The following BCL2L14 variants were observed in gnomAD, a reference collection of about 807,000 sequenced individuals.
BCL2L14 encodes the protein BCL2 like 14.
Under a neutral mutation model 35.3 loss-of-function variants are expected in BCL2L14, and 27 were observed. The observed-to-expected ratio is 0.76, with a 90% CI of 0.56 to 1.05. BCL2L14 has a LOEUF of 1.05. Ranked by LOEUF, BCL2L14 falls within the 50% of genes least tolerant of loss-of-function variation. The pLI, the probability that BCL2L14 is intolerant of heterozygous loss-of-function variation, is 0.00. For missense variants in BCL2L14, 377 were observed against 382.6 expected (o/e 0.99, Z 0.12); for synonymous variants, 139 against 145.9 (o/e 0.95, Z 0.34).
chr12:12,076,078 G>A (rs2136740410), intron 1 of BCL2L14, among the ~76,000 whole-genome samples: 1 of 149,554 alleles, frequency 6.7e-6, no homozygotes, highest in Non-Finnish European at 1.5e-5. Context: ...GAATGGACAG[G>A]GCTGTGCTGC....
intron 4 of BCL2L14, among the ~76,000 whole-genome samples, chr12:12,093,234 G>T (rs1267055628): frequency 6.6e-6 from 1 of 152,176 alleles, no homozygotes; most frequent in Non-Finnish European, 1.5e-5. Context: ...AACATTGCAT[G>T]CAAGGGAGTC....
chr12:12,089,891 G>A (rs1949140838), intron 3 of BCL2L14, among the ~76,000 whole-genome samples: 1 of 152,250 alleles, frequency 6.6e-6, no homozygotes, highest in Middle Eastern at 3.4e-3. Context: ...AGATATCTTT[G>A]TAAAAAGAAA....
intron 4 of BCL2L14, among the ~76,000 whole-genome samples, chr12:12,093,897 G>A (rs574166867): frequency 9.9e-5 from 15 of 151,642 alleles, no homozygotes; most frequent in Admixed American, 3.9e-4. Flanking sequence ...TGGGTGGATC[G>A]CTTAAGCCCA....
At chr12:12,061,029 G>A (rs144029589) in intron 2 of BCL2L14, among the ~76,000 whole-genome samples, 22 of 97,084 alleles carry the variant, frequency 2.3e-4, no homozygotes, top group African/African-American at 6.6e-4. Flanking sequence ...AACTGTTGTG[G>A]GTATTGATGG....
intron 3 of BCL2L14, 132 bp from the exon 4 acceptor site, chr12:12,090,647 A>T (rs958657517): frequency 2.9e-4 from 54 of 184,446 alleles, no homozygotes; most frequent in Middle Eastern, 1.5e-3. Context: ...AATAAAAAAT[A>T]AAAAAAAAAA....
chr12:12,081,199 A>G (rs1367030417), intron 2 of BCL2L14, among the ~76,000 whole-genome samples: 5 of 152,138 alleles, frequency 3.3e-5, no homozygotes, highest in Non-Finnish European at 2.9e-5. Context: ...CGATACTCTC[A>G]GCACTGTGGG....
At chr12:12,061,418 C>T (rs1948524326) in intron 2 of BCL2L14, among the ~76,000 whole-genome samples, 1 of 152,084 alleles carries the variant, frequency 6.6e-6, no homozygotes, top group Admixed American at 6.6e-5. Context: ...AGCCTGTTGT[C>T]ACTCGCCTGC....
chr12:12,097,944 C>T (rs994365512), intron 5 of BCL2L14, among the ~76,000 whole-genome samples: 1 of 152,038 alleles, frequency 6.6e-6, no homozygotes, highest in Non-Finnish European at 1.5e-5. Flanking sequence ...TATCATAAAC[C>T]TTAATCTTAA....
intron 2 of BCL2L14, among the ~76,000 whole-genome samples, chr12:12,080,908 G>T (rs1452842418): frequency 1.3e-5 from 2 of 152,156 alleles, no homozygotes; most frequent in Non-Finnish European, 2.9e-5. Flanking sequence ...TTTTCACCAG[G>T]CACTGAGGCT....
At chr12:12,092,625 G>A (rs531309756) in intron 4 of BCL2L14, among the ~76,000 whole-genome samples, 7 of 152,328 alleles carry the variant, frequency 4.6e-5, no homozygotes, top group African/African-American at 7.2e-5. Flanking sequence ...TCTTTGTGGC[G>A]TTTGATTCTT....
In BCL2L14 at chr12:12,087,124, TG is replaced by T. The variant is rs1239208323; in HGVS notation, c.434-87del. On this transcript the variant is annotated intron_variant, in intron 2 of 5. Coordinates refer to ENST00000308721, the MANE Select transcript of BCL2L14 (RefSeq NM_138723.2). ...CAGGCAGTTTCCTTCTATTCTGGCC[TG>T]GTCTTTTCATTCCAGGCAACTTTGC... 1.1e-5 allele frequency: 15 copies of T among 1,399,572 alleles called. No individual in the cohort carries two copies. In the East Asian group the frequency reaches 3.4e-4, roughly 32 times the overall value. 86.7% of individuals were successfully genotyped at this position (1,399,572 alleles called of 1,614,324 possible). A position where few individuals can be genotyped will look rare whatever the true frequency, so the allele number is the denominator to read the frequency against.
intron 1 of BCL2L14, among the ~76,000 whole-genome samples, chr12:12,077,275 C>T (rs1183131361): frequency 6.6e-6 from 1 of 152,172 alleles, no homozygotes; most frequent in Non-Finnish European, 1.5e-5. Context: ...GGCATGGTAG[C>T]TCATGGCTGT....
intron 2 of BCL2L14, among the ~76,000 whole-genome samples, chr12:12,059,740 A>G (rs1948493393): frequency 1.3e-5 from 2 of 151,532 alleles, no homozygotes; most frequent in South Asian, 4.2e-4. Context: ...AACCTCTTCA[A>G]CTCTCACCTG....
intron 2 of BCL2L14, among the ~76,000 whole-genome samples, chr12:12,083,876 AGGC>A (rs1434030478): frequency 1.3e-5 from 2 of 152,132 alleles, no homozygotes; most frequent in Non-Finnish European, 2.9e-5. Context: ...TGAGCCTGGG[AGGC>A]GCAGGTTGCA....
chr12:12,092,990 A>G (rs1157688048), intron 4 of BCL2L14, among the ~76,000 whole-genome samples: 11 of 152,236 alleles, frequency 7.2e-5, no homozygotes, highest in African/African-American at 2.4e-5. Flanking sequence ...TCACATGACA[A>G]CCAGCATATT....
At chr12:12,050,141 G>A (rs1565430504) in intron 1 of BCL2L14, among the ~76,000 whole-genome samples, 1 of 152,176 alleles carries the variant, frequency 6.6e-6, no homozygotes, top group African/African-American at 2.4e-5. Context: ...CCAGGTGGCA[G>A]AAACACTCAG....
At position 12,090,827 on chromosome 12, in the gene BCL2L14, CAGG is replaced by C. The variant is rs756437028; in HGVS notation, c.659_661del (p.Gly220del). On this transcript the variant is annotated inframe_deletion, in exon 4 of 6. Transcript: ENST00000308721. ...AAAATTGTTGAGCTGCTGAAATATT[CAGG>C]AGATCAGTTGGAAAGAAAGGTATGG... The C allele has an allele frequency of 5.0e-6, 8 of 1,613,160 alleles. No homozygotes were observed. The highest frequency in any genetic ancestry group is 6.8e-6 in the Non-Finnish European group (8 of 1,179,542).
At chr12:12,085,961 G>C (rs1949033863) in intron 2 of BCL2L14, among the ~76,000 whole-genome samples, 1 of 152,072 alleles carries the variant, frequency 6.6e-6, no homozygotes, top group South Asian at 2.1e-4. Context: ...AATGTTACAT[G>C]GTAAAACCCA....
chr12:12,087,772 A>G (rs1030849481), intron 3 of BCL2L14, among the ~76,000 whole-genome samples: 4 of 152,220 alleles, frequency 2.6e-5, no homozygotes, highest in African/African-American at 4.8e-5. Flanking sequence ...TTATATTATA[A>G]CATTGCTTTA....
Sources: gnomAD v4.1 joint callset for allele counts (sites outside exome capture counted in the v4.1 genomes callset) on GRCh38, gnomAD v4.1.1 for gene constraint, MANE v1.5 for transcripts, NCBI Gene and HGNC (gene_info 2026-07-23, HGNC 2026-07-21) for gene names.